RPA1: variants seen among roughly 807,000 people sequenced by gnomAD.
The protein encoded by RPA1 is replication protein A 70 kDa DNA-binding subunit.
In RPA1, 49 loss-of-function variants were observed where a neutral mutation model predicts 83.0. That is an observed-to-expected ratio of 0.59 (90% CI 0.47 to 0.75). The LOEUF (loss-of-function observed/expected upper bound fraction) is 0.75. RPA1 is among the 30% of genes least tolerant of loss of function. RPA1 has a pLI of 0.00. For missense variants in RPA1, 693 were observed against 776.1 expected, an observed-to-expected ratio of 0.89 and a Z score of 1.27; for synonymous variants, 279 against 281.8, an observed-to-expected ratio of 0.99 and a Z score of 0.10.
At chr17:1,851,911 A>G (rs1317091567) in intron 4 of RPA1, among the ~76,000 whole-genome samples, 1 of 152,170 alleles carries the variant, frequency 6.6e-6, no homozygotes, top group African/African-American at 2.4e-5. Context: ...GACCATTTAA[A>G]ACAAACGATT....
rs73976131 is a variant in RPA1 at position 1,842,754 on chromosome 17, A to G, written c.34-49A>G. 1.9e-4 allele frequency: 294 copies of G among 1,513,760 alleles called. 1 individual carries two copies. In the African/African-American group the frequency reaches 3.8e-3, roughly 19 times the overall value. The allele number at this position is 1,513,760 out of a possible 1,614,324, so 93.8% of individuals were successfully genotyped here. A position where few individuals can be genotyped will look rare whatever the true frequency, so the allele number is the denominator to read the frequency against. On this transcript the variant is annotated intron_variant, in intron 1 of 16. Coordinates refer to ENST00000254719, the MANE Select transcript of RPA1 (RefSeq NM_002945.5). ...CCAACTATAAAAACATGTCATTTTC[A>G]TCATGATTTGAGTGCGTATCTCACA...
intron 1 of RPA1, among the ~76,000 whole-genome samples, chr17:1,831,020 C>G (rs1011457154): frequency 3.9e-5 from 6 of 152,126 alleles, no homozygotes; most frequent in Admixed American, 2.0e-4. Context: ...CCCGCCTCGG[C>G]CTCCCAAAAT....
rs571411336 is a variant in RPA1 at position 1,889,648 on chromosome 17, T to A, written c.1551+797T>A. Among the ~76,000 whole-genome samples, 317 of 152,102 alleles carry A rather than the reference T, an allele frequency of 2.1e-3. 1 individual carries two copies. Among genetic ancestry groups the A allele is most frequent in the Non-Finnish European group, 3.6e-3 (247 of 67,994 alleles). ...GAGCCACTGCACCCGGCCTTAAGAT[T>A]TTTATTTTGTTTTGTTTTGTTTTCA... On this transcript the variant is annotated intron_variant, in intron 14 of 16. Transcript: ENST00000254719.
chr17:1,860,222 G>T (rs1912893037), intron 5 of RPA1, among the ~76,000 whole-genome samples: 1 of 152,126 alleles, frequency 6.6e-6, no homozygotes. Flanking sequence ...GGGACTGCAG[G>T]CTGCACCTGT....
At position 1,897,238 on chromosome 17, in the gene RPA1, C is replaced by T; in HGVS notation, c.*63C>T. 1 of 1,255,832 alleles carries T rather than the reference C, an allele frequency of 8.0e-7. No individual in the cohort carries two copies. The highest frequency in any genetic ancestry group is 1.1e-6 in the Non-Finnish European group (1 of 895,448). 77.8% of individuals were successfully genotyped at this position (1,255,832 alleles called of 1,614,324 possible). The stretch of plus-strand genomic sequence containing the variant: ...GCAGAATGGAATCGATTTCCTCCCA[C>T]CTCCGTGTGACGATCCCATGTTAGC... On this transcript the variant is annotated 3_prime_UTR_variant, in exon 17 of 17. Transcript: ENST00000254719.
Position 1,897,104 on chromosome 17 carries a change from G to C in RPA1, c.1780G>C (p.Val594Leu), listed in dbSNP as rs762158042. The C allele has an allele frequency of 1.3e-6, 2 of 1,573,298 alleles. No individual in the cohort carries two copies. The highest frequency in any genetic ancestry group is 1.7e-6 in the Non-Finnish European group (2 of 1,159,032). Reference sequence around the variant, plus strand: ...TCGAATTAAGGCCACTGTGATGGACGTGAAGCCCGTGGACTACAGAGAGTA... The same window carrying C: ...TCGAATTAAGGCCACTGTGATGGACCTGAAGCCCGTGGACTACAGAGAGTA... ...ESRIKATVMD[V>L]KPVDYREYGR... Residue 594 changes from valine (V) to leucine (L), a missense_variant, in exon 17 of 17, where the codon GTG (valine) becomes CTG (leucine). By Grantham distance (32) the Val-to-Leu change is conservative (BLOSUM62 1). Coordinates refer to ENST00000254719, the MANE Select transcript of RPA1 (RefSeq NM_002945.5).
chr17:1,874,366 C>T (rs928456978), intron 6 of RPA1, among the ~76,000 whole-genome samples: 9 of 152,050 alleles, frequency 5.9e-5, no homozygotes, highest in African/African-American at 1.7e-4. Context: ...ATCAGCTGGG[C>T]GTGGTGGTGC....
intron 4 of RPA1, among the ~76,000 whole-genome samples, chr17:1,845,112 G>A (rs898948778): frequency 2.6e-5 from 4 of 151,830 alleles, no homozygotes; most frequent in African/African-American, 9.7e-5. Flanking sequence ...TTAATGAAAA[G>A]AGGTACTTTA....
chr17:1,880,410 G>A (rs1913744463), intron 11 of RPA1, 133 bp from the exon 12 acceptor site: 1 of 850,128 alleles, frequency 1.2e-6, no homozygotes, highest in South Asian at 1.8e-5. Context: ...CATGTGTGAG[G>A]TCTGTCTTGT....
At chr17:1,872,985 CT>C (rs959925297) in intron 6 of RPA1, among the ~76,000 whole-genome samples, 11 of 152,142 alleles carry the variant, frequency 7.2e-5, no homozygotes, top group Non-Finnish European at 1.3e-4. Context: ...CAAAGATAAT[CT>C]TAAAGATACT....
rs1914349000 is a variant in RPA1 at position 1,895,043 on chromosome 17, C to G, written c.1694C>G (p.Ala565Gly). ...EQAFEEVFQN[A>G]NFRSFIFRVR... ...GCATTTGAAGAAGTTTTCCAGAATG[C>G]CAACTTCCGATCTTTCATATTCAGA... is the stretch of plus-strand genomic sequence containing the variant. The change falls in exon 16 of 17, where the codon GCC becomes GGC. Residue 565 changes from alanine (A) to glycine (G), a missense_variant. By Grantham distance (60) the Ala-to-Gly change is moderately conservative (BLOSUM62 0). Coordinates refer to ENST00000254719, the MANE Select transcript of RPA1 (RefSeq NM_002945.5). The G allele has an allele frequency of 6.2e-7, 1 of 1,613,380 alleles. No individual in the cohort carries two copies. Among genetic ancestry groups the G allele is most frequent in the Non-Finnish European group, 8.5e-7 (1 of 1,179,620 alleles).
chr17:1,861,360 GC>G (rs1441019496), intron 5 of RPA1, among the ~76,000 whole-genome samples: 1 of 152,160 alleles, frequency 6.6e-6, no homozygotes, highest in African/African-American at 2.4e-5. Flanking sequence ...TGCACAGCAG[GC>G]GCTACCCCTC....
Position 1,868,646 on chromosome 17 carries a change from C to T in RPA1, c.362-3788C>T, listed in dbSNP as rs112074702. Among the ~76,000 whole-genome samples the T allele has an allele frequency of 1.2e-3, 176 of 152,200 alleles. 1 individual carries two copies. The highest frequency in any genetic ancestry group is 3.9e-3 in the African/African-American group (162 of 41,518). On this transcript the variant is annotated intron_variant, in intron 5 of 16. Transcript: ENST00000254719. Reference sequence around the variant, plus strand: ...ATTAGCCAGGCGTGATGGCGGGTACCTGTAATCCCAGCTACTTGGGAGACT... The same window carrying T: ...ATTAGCCAGGCGTGATGGCGGGTACTTGTAATCCCAGCTACTTGGGAGACT...
chr17:1,846,661 A>C (rs947605172), intron 4 of RPA1, among the ~76,000 whole-genome samples: 1 of 151,894 alleles, frequency 6.6e-6, no homozygotes, highest in East Asian at 1.9e-4. Context: ...ATGCTTGTTC[A>C]GTCTGCCGAT....
intron 5 of RPA1, among the ~76,000 whole-genome samples, chr17:1,866,648 A>G (rs1288198109): frequency 6.6e-6 from 1 of 150,926 alleles, no homozygotes; most frequent in Non-Finnish European, 1.5e-5. Context: ...TTTAATAGAT[A>G]TGGGGTTTTA....
chr17:1,894,565 G>A (rs949106221), intron 15 of RPA1, among the ~76,000 whole-genome samples: 4 of 152,176 alleles, frequency 2.6e-5, no homozygotes, highest in Non-Finnish European at 2.9e-5. Flanking sequence ...TACGTGTACA[G>A]TTTAGTGGCG....
chr17:1,844,753 G>A (rs935224281), intron 4 of RPA1, 67 bp downstream of exon 4: 63 of 1,217,264 alleles, frequency 5.2e-5, no homozygotes, highest in South Asian at 2.0e-4. Flanking sequence ...AATAAAAAAG[G>A]CAATAGTGAG....
chr17:1,889,645 G>A lies in RPA1; in HGVS notation c.1551+794G>A, dbSNP rs564554989. On this transcript the variant is annotated intron_variant, in intron 14 of 16. Coordinates refer to ENST00000254719, the MANE Select transcript of RPA1 (RefSeq NM_002945.5). Reference sequence around the variant, plus strand: ...CCTGAGCCACTGCACCCGGCCTTAAGATTTTTATTTTGTTTTGTTTTGTTT... The same window carrying A: ...CCTGAGCCACTGCACCCGGCCTTAAAATTTTTATTTTGTTTTGTTTTGTTT... 1.6e-3 allele frequency among the ~76,000 whole-genome samples: 240 copies of A among 152,190 alleles called. 2 individuals are homozygous for A. The highest frequency in any genetic ancestry group is 3.0e-3 in the Non-Finnish European group (204 of 67,992).
rs1039034709 is a variant in RPA1, at chr17:1,830,064, G to A, written c.-30G>A. The A allele has an allele frequency of 6.4e-6, 8 of 1,249,232 alleles. No homozygotes were observed. Among genetic ancestry groups the A allele is most frequent in the African/African-American group, 1.5e-5 (1 of 64,624 alleles). 77.4% of individuals were successfully genotyped at this position (1,249,232 alleles called of 1,614,324 possible). ...GGTGGGGAAGCTGGAGCTGTTGCGG[G>A]GTCCGCGGGGAAGTCTTGGCGGTGG... On this transcript the variant is annotated 5_prime_UTR_variant, in exon 1 of 17. Transcript: ENST00000254719.
Sources: gnomAD v4.1 joint callset for allele counts (sites outside exome capture counted in the v4.1 genomes callset) on GRCh38, gnomAD v4.1.1 for gene constraint, MANE v1.5 for transcripts, NCBI Gene and HGNC (gene_info 2026-07-23, HGNC 2026-07-21) for gene names.